The following ATE1 variants were observed in gnomAD, a reference collection of about 807,000 sequenced individuals.
The protein encoded by ATE1 is arginyltransferase 1.
Under a neutral mutation model 70.5 loss-of-function variants are expected in ATE1, and 36 were observed. The ratio of observed to expected loss-of-function variants is 0.51; its 90% CI spans 0.39 to 0.67. ATE1 has a LOEUF of 0.67. Among genes scored for constraint, ATE1 ranks in the 30% least tolerant of loss-of-function variants. The pLI, the probability that ATE1 is intolerant of heterozygous loss-of-function variation, is 0.00. For missense variants in ATE1, 593 were observed against 629.5 expected (o/e 0.94, Z 0.62); for synonymous variants, 232 against 219.3 (o/e 1.06, Z -0.51).
rs546396665 is a variant in ATE1, at chr10:121,850,633, T to C, written c.976-9370A>G. Among the ~76,000 whole-genome samples the C allele has an allele frequency of 7.9e-5, 12 of 152,268 alleles. No homozygotes were observed. In the South Asian group the frequency reaches 8.3e-4, roughly 11 times the overall value. On this transcript the variant is annotated intron_variant, in intron 8 of 11. Coordinates refer to ENST00000224652, the MANE Select transcript of ATE1 (RefSeq NM_001001976.3). Reference sequence around the variant, plus strand: ...CACTCTTGAGAATCACTGATATCCATTTATTTTGGAAGTACAGGTAGAAGA... The same window carrying C: ...CACTCTTGAGAATCACTGATATCCACTTATTTTGGAAGTACAGGTAGAAGA...
At chr10:121,847,561 C>G (rs1948877125) in intron 8 of ATE1, among the ~76,000 whole-genome samples, 1 of 151,788 alleles carries the variant, frequency 6.6e-6, no homozygotes, top group African/African-American at 2.4e-5. Context: ...AGATCAAGAT[C>G]ATCCTGGTCA....
chr10:121,812,122 ATTTTTGTAT>A (rs1947348618), intron 10 of ATE1, among the ~76,000 whole-genome samples: 1 of 151,664 alleles, frequency 6.6e-6, no homozygotes. Context: ...CGCCTGACTA[ATTTTTGTAT>A]TTTTTGTAGA....
intron 7 of ATE1, among the ~76,000 whole-genome samples, chr10:121,891,033 C>T (rs964849169): frequency 3.3e-5 from 5 of 152,096 alleles, no homozygotes; most frequent in Non-Finnish European, 7.3e-5. Flanking sequence ...TTCTTTGTCA[C>T]GGTCAATAAA....
At chr10:121,864,097 G>C (rs1270605731) in intron 8 of ATE1, among the ~76,000 whole-genome samples, 1 of 152,134 alleles carries the variant, frequency 6.6e-6, no homozygotes, top group Non-Finnish European at 1.5e-5. Context: ...TTAGCCTTAA[G>C]TTAACTAAAA....
At chr10:121,754,894 C>T (rs1944731262) in intron 11 of ATE1, among the ~76,000 whole-genome samples, 1 of 152,156 alleles carries the variant, frequency 6.6e-6, no homozygotes, top group Admixed American at 6.5e-5. Context: ...CAATACAAAC[C>T]CAGCATCACT....
At chr10:121,829,940 A>T (rs1422901026) in intron 10 of ATE1, among the ~76,000 whole-genome samples, 1 of 152,200 alleles carries the variant, frequency 6.6e-6, no homozygotes, top group Non-Finnish European at 1.5e-5. Context: ...CAATCTCAAA[A>T]ATGAGAGATT....
intron 4 of ATE1, 59 bp downstream of exon 4, chr10:121,913,731 G>C: frequency 1.6e-6 from 2 of 1,216,218 alleles, no homozygotes; most frequent in Admixed American, 1.9e-5. Flanking sequence ...CAAGATGACT[G>C]AAAGTGGGAC....
In ATE1 at chr10:121,836,754, A is replaced by C; in HGVS notation, c.1221T>G (p.Gly407=). 2 of 1,597,832 alleles carry C rather than the reference A, an allele frequency of 1.3e-6. No homozygotes were observed. Among genetic ancestry groups the C allele is most frequent in the African/African-American group, 2.7e-5 (2 of 74,282 alleles). The change falls in exon 10 of 12, where the codon GGT becomes GGG. Residue 407 remains glycine, a synonymous_variant. Coordinates refer to ENST00000224652, the MANE Select transcript of ATE1 (RefSeq NM_001001976.3). The stretch of plus-strand genomic sequence containing the variant: ...TCTTGGGACATGAATGAATGTAGAA[A>C]CCCATATAATAATAGCTGAGTTGAG... ...KTSQLSYYYM[G]FYIHSCPKMK...
intron 10 of ATE1, among the ~76,000 whole-genome samples, chr10:121,816,647 C>T (rs1308622960): frequency 6.6e-6 from 1 of 152,198 alleles, no homozygotes; most frequent in Non-Finnish European, 1.5e-5. Flanking sequence ...TCACCAGACT[C>T]AGAAACCACT....
intron 11 of ATE1, among the ~76,000 whole-genome samples, chr10:121,745,467 A>T (rs1228207893): frequency 6.6e-6 from 1 of 152,208 alleles, no homozygotes; most frequent in East Asian, 1.9e-4. Context: ...CTGTAATCCC[A>T]GCACTTTGGG....
chr10:121,804,165 T>C lies in ATE1; in HGVS notation c.1258-13876A>G, dbSNP rs774056468. ...AACATGACCATTTTTAACTTAAACA[T>C]AGTTATTTACAGGTGAGAAAGTCAA... On this transcript the variant is annotated intron_variant, in intron 10 of 11. Transcript: ENST00000224652. Among the ~76,000 whole-genome samples, 3 of 152,196 alleles carry C rather than the reference T, an allele frequency of 2.0e-5. No homozygotes were observed. In the South Asian group the frequency reaches 6.2e-4, roughly 32 times the overall value.
chr10:121,927,873 C>T lies in ATE1; in HGVS notation c.77G>A (p.Cys26Tyr). Residue 26 changes from cysteine (C) to tyrosine (Y), a missense_variant, in exon 1 of 12, where the codon TGC (cysteine) becomes TAC (tyrosine). Around this residue, in one of 3 missense-constraint regions of ATE1, gnomAD observed 467 missense variants for 469.6 expected, o/e 0.99. Coordinates refer to ENST00000224652, the MANE Select transcript of ATE1 (RefSeq NM_001001976.3). The part of the protein sequence containing the change: ...PSEDFYRCGY[C>Y]KNESGSRSNG... ...GGAGCGGCTGCCCGACTCGTTCTTG[C>T]AGTAGCCGCAGCGGTAGAAGTCCTC... 6.3e-7 allele frequency: 1 copy of T among 1,586,380 alleles called. No homozygotes were observed. The highest frequency in any genetic ancestry group is 8.6e-7 in the Non-Finnish European group (1 of 1,169,280).
At chr10:121,815,415 G>A (rs1359478315) in intron 10 of ATE1, among the ~76,000 whole-genome samples, 1 of 152,196 alleles carries the variant, frequency 6.6e-6, no homozygotes, top group Admixed American at 6.5e-5. Context: ...GATTACAGGC[G>A]TGAGCCACCG....
At chr10:121,897,872 C>A (rs1461310741) in intron 7 of ATE1, among the ~76,000 whole-genome samples, 2 of 151,244 alleles carry the variant, frequency 1.3e-5, no homozygotes, top group African/African-American at 4.9e-5. Flanking sequence ...GACTGAGAGT[C>A]TGTGTTCCAG....
Position 121,743,626 on chromosome 10 carries a change from T to A in ATE1, c.*54A>T. 2.0e-6 allele frequency: 3 copies of A among 1,512,162 alleles called. No homozygotes were observed. The highest frequency in any genetic ancestry group is 2.3e-5 in the East Asian group (1 of 43,170). 93.7% of individuals were successfully genotyped at this position (1,512,162 alleles called of 1,614,324 possible). A position where few individuals can be genotyped will look rare whatever the true frequency, so the allele number is the denominator to read the frequency against. ...TTTCCCCACAGGTACTGAATATGTA[T>A]CCTGGCACAAATCATCAGCACAACA... On this transcript the variant is annotated 3_prime_UTR_variant, in exon 12 of 12. Coordinates refer to ENST00000224652, the MANE Select transcript of ATE1 (RefSeq NM_001001976.3).
chr10:121,835,033 C>A (rs1168058516), intron 10 of ATE1, among the ~76,000 whole-genome samples: 1 of 151,950 alleles, frequency 6.6e-6, no homozygotes, highest in Non-Finnish European at 1.5e-5. Flanking sequence ...TGAAAATGAG[C>A]CAGAAGGATA....
intron 11 of ATE1, among the ~76,000 whole-genome samples, chr10:121,773,657 A>G (rs539420572): frequency 1.3e-5 from 2 of 152,312 alleles, no homozygotes; most frequent in African/African-American, 4.8e-5. Context: ...AACCTATTAT[A>G]TAACAGTAAC....
At chr10:121,759,462 G>A (rs1000307970) in intron 11 of ATE1, among the ~76,000 whole-genome samples, 3 of 152,168 alleles carry the variant, frequency 2.0e-5, no homozygotes, top group Non-Finnish European at 4.4e-5. Context: ...GGTGGCTGAC[G>A]CCTGTAATCC....
chr10:121,756,915 G>A (rs1452389732), intron 11 of ATE1, among the ~76,000 whole-genome samples: 1 of 151,478 alleles, frequency 6.6e-6, no homozygotes, highest in Non-Finnish European at 1.5e-5. Context: ...TCCACTCCTT[G>A]TTACTTACGC....
Sources: gnomAD v4.1 joint callset for allele counts (sites outside exome capture counted in the v4.1 genomes callset) on GRCh38, gnomAD v4.1.1 for gene constraint, gnomAD v4.1.1 regional missense constraint, MANE v1.5 for transcripts, NCBI Gene and HGNC (gene_info 2026-07-23, HGNC 2026-07-21) for gene names.